Variants in GALNT16 observed in about 807,000 individuals in gnomAD.
GALNT16 encodes UDP-GalNAc:polypeptide N-acetylgalactosaminyltransferase-like protein 1.
Under a neutral mutation model 76.1 loss-of-function variants are expected in GALNT16, and 40 were observed. The observed-to-expected ratio is 0.53, with a 90% confidence interval of 0.41 to 0.68. GALNT16 has a LOEUF of 0.68. GALNT16 is among the 30% of genes least tolerant of loss of function. GALNT16 has a pLI of 0.00. For missense variants in GALNT16, 621 were observed against 731.9 expected, an observed-to-expected ratio of 0.85 and a Z score of 1.75; for synonymous variants, 276 against 285.2, an observed-to-expected ratio of 0.97 and a Z score of 0.32.
chr14:69,311,172 C>T (rs1319851037), intron 1 of GALNT16, among the ~76,000 whole-genome samples: 5 of 152,306 alleles, frequency 3.3e-5, no homozygotes, highest in African/African-American at 1.2e-4. Flanking sequence ...AAGATCAAGG[C>T]ACCAGCAGGT....
chr14:69,367,093 G>A, the GALNT16 span, among the ~76,000 whole-genome samples: 1,095 of 152,228 alleles, frequency 7.2e-3, 5 homozygotes, highest in Non-Finnish European at 9.6e-3. Context: ...ATTGTGGGGT[G>A]TACTTGTGGA....
intron 12 of GALNT16, among the ~76,000 whole-genome samples, chr14:69,346,206 T>C (rs1427719237): frequency 6.6e-6 from 1 of 152,214 alleles, no homozygotes; most frequent in Non-Finnish European, 1.5e-5. Flanking sequence ...AAGTCATTTT[T>C]AATGGCTACA....
intron 1 of GALNT16, among the ~76,000 whole-genome samples, chr14:69,307,463 G>A (rs986593610): frequency 6.6e-6 from 1 of 152,158 alleles, no homozygotes; most frequent in African/African-American, 2.4e-5. Context: ...GATATTTGAG[G>A]TGGAAGAAGA....
At chr14:69,264,882 T>C (rs2044324192) in intron 1 of GALNT16, among the ~76,000 whole-genome samples, 1 of 141,404 alleles carries the variant, frequency 7.1e-6, no homozygotes, top group Non-Finnish European at 1.5e-5. Flanking sequence ...GGCACAGTCA[T>C]GATTCACTGC....
At chr14:69,346,970 A>C (rs2045572860) in intron 12 of GALNT16, 70 bp from the exon 13 acceptor site, 5 of 1,591,148 alleles carry the variant, frequency 3.1e-6, no homozygotes, top group Non-Finnish European at 4.3e-6. Flanking sequence ...TAGGATGCTG[A>C]CGTCTGGCAG....
At chr14:69,379,537 A>G in the GALNT16 span, among the ~76,000 whole-genome samples, 16 of 152,228 alleles carry the variant, frequency 1.1e-4, no homozygotes, top group African/African-American at 3.4e-4. Context: ...CTGTGTCAAG[A>G]TATCACTGGC....
rs141412793 is a variant in GALNT16 at position 69,288,720 on chromosome 14, T to A, written c.177+28253T>A. Among the ~76,000 whole-genome samples the A allele has an allele frequency of 4.1e-3, 625 of 152,304 alleles. 3 individuals carry two copies. The highest frequency in any genetic ancestry group is 0.014 in the African/African-American group (602 of 41,568). ...GTCGGTTTCAATCAACCCAGAACTC[T>A]GTAGATTGGAAAATAGCTTCCACAG... On this transcript the variant is annotated intron_variant, in intron 1 of 14. Coordinates refer to ENST00000448469, the MANE Select transcript of GALNT16 (RefSeq NM_001168368.2).
At chr14:69,277,327 C>T (rs1417868958) in intron 1 of GALNT16, among the ~76,000 whole-genome samples, 1 of 152,170 alleles carries the variant, frequency 6.6e-6, no homozygotes, top group African/African-American at 2.4e-5. Context: ...CACCCGTTAA[C>T]TCGTCATTTA....
intron 2 of GALNT16, among the ~76,000 whole-genome samples, chr14:69,322,925 G>GGGGGTGT (rs797021875): frequency 3.9e-5 from 4 of 103,780 alleles, no homozygotes; most frequent in Non-Finnish European, 5.5e-5. Context: ...TGGCTCACGG[G>GGGGGTGT]GTGTGTGTGT....
At chr14:69,361,090 A>G (rs2045721281), downstream of GALNT16, among the ~76,000 whole-genome samples, 2 of 152,232 alleles carry the variant, frequency 1.3e-5, no homozygotes, top group African/African-American at 4.8e-5. Flanking sequence ...TACCAGCCAC[A>G]TATGGTTGAC....
chr14:69,325,053 C>T (rs1340375434), intron 3 of GALNT16, among the ~76,000 whole-genome samples: 1 of 152,190 alleles, frequency 6.6e-6, no homozygotes, highest in East Asian at 1.9e-4. Flanking sequence ...CCGGGCTAGA[C>T]AGGAGGCCTC....
intron 1 of GALNT16, among the ~76,000 whole-genome samples, chr14:69,283,490 G>T (rs867805608): frequency 6.6e-6 from 1 of 152,172 alleles, no homozygotes; most frequent in Non-Finnish European, 1.5e-5. Context: ...GGCCTCTTAC[G>T]AGTCCTGACT....
intron 6 of GALNT16, 84 bp downstream of exon 6, chr14:69,328,655 T>C (rs2140175153): frequency 7.0e-7 from 1 of 1,435,902 alleles, no homozygotes; most frequent in East Asian, 2.4e-5. Context: ...GGACAGTATT[T>C]GAAGCTGGGC....
At chr14:69,305,534 A>G (rs2044920909) in intron 1 of GALNT16, among the ~76,000 whole-genome samples, 1 of 152,012 alleles carries the variant, frequency 6.6e-6, no homozygotes, top group Non-Finnish European at 1.5e-5. Context: ...TTTTTCATAT[A>G]CCTGTTGGCT....
chr14:69,338,463 G>A (rs1034174177), intron 9 of GALNT16, among the ~76,000 whole-genome samples, 188 bp from the exon 10 acceptor site: 4 of 152,186 alleles, frequency 2.6e-5, no homozygotes, highest in Admixed American at 6.5e-5. Flanking sequence ...GCATGTGCAC[G>A]TACACACGTA....
chr14:69,269,871 A>C (rs532613564), intron 1 of GALNT16, among the ~76,000 whole-genome samples: 1 of 151,436 alleles, frequency 6.6e-6, no homozygotes, highest in Non-Finnish European at 1.5e-5. Context: ...AGGCTGGTGG[A>C]GGGTGCCGGT....
chr14:69,362,874 CAG>C, the GALNT16 span, among the ~76,000 whole-genome samples: 1 of 152,184 alleles, frequency 6.6e-6, no homozygotes, highest in Non-Finnish European at 1.5e-5. Flanking sequence ...GGAAGTTGAC[CAG>C]AGAGAGGAGG....
intron 1 of GALNT16, 133 bp from the exon 2 acceptor site, chr14:69,320,578 C>T (rs187631917): frequency 2.2e-5 from 15 of 670,124 alleles, no homozygotes; most frequent in African/African-American, 1.4e-4. Flanking sequence ...AGATAATGGT[C>T]TCCTCCTCAT....
At chr14:69,269,472 T>C (rs1271402328) in intron 1 of GALNT16, among the ~76,000 whole-genome samples, 1 of 151,192 alleles carries the variant, frequency 6.6e-6, no homozygotes. Context: ...TGTGTATGTG[T>C]GTGTAGTATG....
Sources: gnomAD v4.1 joint callset for allele counts (sites outside exome capture counted in the v4.1 genomes callset) on GRCh38, gnomAD v4.1.1 for gene constraint, MANE v1.5 for transcripts, NCBI Gene and HGNC (gene_info 2026-07-23, HGNC 2026-07-21) for gene names.